The following CYFIP2 variants were observed in gnomAD, a reference collection of about 807,000 sequenced individuals.
CYFIP2 encodes cytoplasmic FMR1-interacting protein 2.
Under a neutral mutation model 158.7 loss-of-function variants are expected in CYFIP2, and 29 were observed. That is an observed-to-expected ratio of 0.18 (90% CI 0.14 to 0.25). The LOEUF (loss-of-function observed/expected upper bound fraction) is 0.25. Among genes scored for constraint, CYFIP2 ranks in the 10% least tolerant of loss-of-function variants. CYFIP2 has a pLI of 1.00. For synonymous variants in CYFIP2, 585 were observed against 617.6 expected (o/e 0.95, Z 0.78); for missense variants, 852 against 1,639.5 (o/e 0.52, Z 8.29).
intron 26 of CYFIP2, among the ~76,000 whole-genome samples, chr5:157,367,267 G>A (rs1764466373): frequency 6.6e-6 from 1 of 152,166 alleles, no homozygotes; most frequent in African/African-American, 2.4e-5. Flanking sequence ...GGACTTTATA[G>A]GATGTTGAAC....
At chr5:157,287,170 C>A in intron 3 of CYFIP2, 62 bp downstream of exon 3, 2 of 1,334,912 alleles carry the variant, frequency 1.5e-6, no homozygotes, top group East Asian at 2.3e-5. Flanking sequence ...GGGCCGCGGG[C>A]AGCTTCTCAC....
chr5:157,272,686 C>T (rs1756206154), intron 1 of CYFIP2, among the ~76,000 whole-genome samples: 1 of 152,060 alleles, frequency 6.6e-6, no homozygotes, highest in Non-Finnish European at 1.5e-5. Context: ...TCCCCTGCCC[C>T]CGTCTCTCAA....
intron 26 of CYFIP2, among the ~76,000 whole-genome samples, chr5:157,366,683 T>C (rs1764401694): frequency 6.6e-6 from 1 of 152,238 alleles, no homozygotes; most frequent in Non-Finnish European, 1.5e-5. Flanking sequence ...CGCAGCCTCT[T>C]AATATATTTG....
At chr5:157,296,609 C>CA in intron 4 of CYFIP2, 64 bp from the exon 5 acceptor site, 3 of 1,495,482 alleles carry the variant, frequency 2.0e-6, no homozygotes, top group Non-Finnish European at 2.8e-6. Context: ...CAAAACAAAA[C>CA]AAAAAACAGT....
rs557822459 is a variant in CYFIP2 at position 157,345,376 on chromosome 5, C to T, written c.2673+4219C>T. The T allele has an allele frequency of 3.9e-5, 6 of 152,728 alleles. No individual in the cohort carries two copies. The South Asian group carries it at 1.2e-3, about 32-fold the overall frequency. The allele number at this position is 152,728 out of a possible 1,614,324, so 9.5% of individuals were successfully genotyped here. On this transcript the variant is annotated intron_variant, in intron 23 of 30. Transcript: ENST00000620254. Reference sequence around the variant, plus strand: ...TTTCTGTCAAGACGCAAATAGCATCCTCACCTTTTAGGACCAGGTCCGTCT... The same window carrying T: ...TTTCTGTCAAGACGCAAATAGCATCTTCACCTTTTAGGACCAGGTCCGTCT...
chr5:157,377,304 A>G (rs1765579755), intron 26 of CYFIP2, among the ~76,000 whole-genome samples: 1 of 151,876 alleles, frequency 6.6e-6, no homozygotes. Context: ...ACTTTCCTCT[A>G]GCACTGAAAG....
intron 6 of CYFIP2, among the ~76,000 whole-genome samples, chr5:157,301,556 C>T (rs549233637): frequency 6.6e-6 from 1 of 152,296 alleles, no homozygotes; most frequent in East Asian, 1.9e-4. Flanking sequence ...TTCTATCAGT[C>T]ACTGGAGGTG....
intron 23 of CYFIP2, chr5:157,343,052 G>A: frequency 1.2e-6 from 2 of 1,614,216 alleles, no homozygotes; most frequent in Non-Finnish European, 1.7e-6. Flanking sequence ...GGCCTCCTCT[G>A]GCCATCTCAC....
intron 30 of CYFIP2, among the ~76,000 whole-genome samples, chr5:157,392,196 C>T (rs930997879): frequency 1.2e-4 from 18 of 152,194 alleles, no homozygotes; most frequent in African/African-American, 4.3e-4. Context: ...TTTCGGTTGC[C>T]TTTTCATTCT....
intron 30 of CYFIP2, among the ~76,000 whole-genome samples, 178 bp from the exon 31 acceptor site, chr5:157,392,654 GT>G (rs1245802240): frequency 1.3e-5 from 2 of 152,144 alleles, no homozygotes; most frequent in African/African-American, 4.8e-5. Context: ...CTTGGAGAGG[GT>G]TTTTACGGTC....
At chr5:157,320,539 C>A in intron 14 of CYFIP2, 116 bp from the exon 15 acceptor site, 1 of 1,355,394 alleles carries the variant, frequency 7.4e-7, no homozygotes. Flanking sequence ...TTTACAAGCA[C>A]CCCAAGAATT....
intron 6 of CYFIP2, 71 bp downstream of exon 6, chr5:157,300,967 G>A (rs2113888953): frequency 7.4e-7 from 1 of 1,348,526 alleles, no homozygotes. Flanking sequence ...TCAAGTGGAG[G>A]AAGAGAATGG....
At chr5:157,363,964 T>A (rs1764096190) in intron 26 of CYFIP2, 1 of 152,126 alleles carries the variant, frequency 6.6e-6, no homozygotes, top group Non-Finnish European at 1.5e-5. Context: ...GGACCTGCCA[T>A]TCTCAGACTC....
chr5:157,331,811 T>C (rs1761485388), intron 20 of CYFIP2, among the ~76,000 whole-genome samples: 1 of 152,114 alleles, frequency 6.6e-6, no homozygotes. Context: ...TGGTAGAAAA[T>C]TGATGCCAAA....
chr5:157,308,345 A>G (rs1357511604), intron 9 of CYFIP2, among the ~76,000 whole-genome samples: 1 of 152,146 alleles, frequency 6.6e-6, no homozygotes, highest in Non-Finnish European at 1.5e-5. Flanking sequence ...GGACCACCTC[A>G]GCTTGCCCTT....
chr5:157,289,524 CT>C (rs1172689968), intron 3 of CYFIP2, among the ~76,000 whole-genome samples: 2 of 152,136 alleles, frequency 1.3e-5, no homozygotes, highest in Admixed American at 6.5e-5. Flanking sequence ...GACTTTTTTC[CT>C]TGGCTCCCAG....
chr5:157,335,029 A>T (rs992319936), intron 21 of CYFIP2, among the ~76,000 whole-genome samples: 9 of 152,184 alleles, frequency 5.9e-5, no homozygotes, highest in Non-Finnish European at 1.3e-4. Flanking sequence ...ATTATTTTTA[A>T]ATAAAGTTGG....
At chr5:157,373,585 G>A (rs1447535475) in intron 26 of CYFIP2, among the ~76,000 whole-genome samples, 1 of 152,076 alleles carries the variant, frequency 6.6e-6, no homozygotes, top group Non-Finnish European at 1.5e-5. Context: ...TTGAGGAGTA[G>A]GATGATCATT....
intron 13 of CYFIP2, among the ~76,000 whole-genome samples, chr5:157,315,551 T>C (rs1258336007): frequency 4.6e-5 from 7 of 152,222 alleles, no homozygotes. Flanking sequence ...CTACATTTTG[T>C]AGGCTTTCTA....
Sources: gnomAD v4.1 joint callset for allele counts (sites outside exome capture counted in the v4.1 genomes callset) on GRCh38, gnomAD v4.1.1 for gene constraint, MANE v1.5 for transcripts, NCBI Gene and HGNC (gene_info 2026-07-23, HGNC 2026-07-21) for gene names.